The following PLEKHA6 variants were observed in gnomAD, a reference collection of about 807,000 sequenced individuals.
PLEKHA6 encodes the protein pleckstrin homology domain containing A6, also known as pleckstrin homology domain-containing family A member 6.
In PLEKHA6, 60 loss-of-function variants were observed where a neutral mutation model predicts 116.7. The observed-to-expected ratio is 0.51, with a 90% CI of 0.42 to 0.64. The LOEUF (loss-of-function observed/expected upper bound fraction) is 0.64, where lower values mean the gene tolerates loss of function less well. PLEKHA6 is among the 30% of genes least tolerant of loss of function. The pLI is 0.00. For missense variants in PLEKHA6, 1,338 were observed against 1,422.7 expected, an observed-to-expected ratio of 0.94 and a Z score of 0.96; for synonymous variants, 489 against 556.1, an observed-to-expected ratio of 0.88 and a Z score of 1.70.
At chr1:204,250,040 C>T (rs1432505018) in intron 10 of PLEKHA6, among the ~76,000 whole-genome samples, 1 of 152,216 alleles carries the variant, frequency 6.6e-6, no homozygotes, top group African/African-American at 2.4e-5. Flanking sequence ...CTGGCAGAAC[C>T]TATTATGGCT....
Position 204,261,589 on chromosome 1 carries a change from G to T in PLEKHA6, c.382-141C>A. ...TGCACCTGGGGCTCTTCCCCATGCGGAGCTCAGGAGCAAGGTGAAGAGGGC... is the reference window on the plus strand; with the variant it reads ...TGCACCTGGGGCTCTTCCCCATGCGTAGCTCAGGAGCAAGGTGAAGAGGGC... On this transcript the variant is annotated intron_variant, in intron 6 of 22. Transcript: ENST00000272203. The surrounding 1 kb of genome is among the most constrained non-coding windows in gnomAD (Gnocchi z 4.0). 1 of 915,762 alleles carries T rather than the reference G, an allele frequency of 1.1e-6. No homozygotes were observed. The allele number at this position is 915,762 out of a possible 1,614,324, so 56.7% of individuals were successfully genotyped here. A position where few individuals can be genotyped will look rare whatever the true frequency, so the allele number is the denominator to read the frequency against.
intron 1 of PLEKHA6, among the ~76,000 whole-genome samples, chr1:204,342,202 G>T (rs1321723742): frequency 2.0e-5 from 3 of 151,678 alleles, no homozygotes; most frequent in Admixed American, 6.6e-5. Context: ...AAAAGAAAAT[G>T]AGTATTTTAT....
chr1:204,303,797 T>A (rs1338139427), intron 1 of PLEKHA6, among the ~76,000 whole-genome samples: 1 of 152,216 alleles, frequency 6.6e-6, no homozygotes, highest in Non-Finnish European at 1.5e-5. Flanking sequence ...AACTGCAACC[T>A]CTGCCTCCTT....
intron 1 of PLEKHA6, chr1:204,347,149 C>A: frequency 8.9e-7 from 1 of 1,122,270 alleles, no homozygotes; most frequent in Non-Finnish European, 1.3e-6. Context: ...TACAATATCA[C>A]CTTTCTTATA....
chr1:204,343,265 C>A (rs1672910316), intron 1 of PLEKHA6, among the ~76,000 whole-genome samples: 1 of 152,196 alleles, frequency 6.6e-6, no homozygotes, highest in African/African-American at 2.4e-5. Context: ...CAATTCCAGA[C>A]AATTTATTTC....
At position 204,261,955 on chromosome 1, in the gene PLEKHA6, A is replaced by G. The variant is rs1272472561; in HGVS notation, c.382-507T>C. 1 of 168,778 alleles carries G rather than the reference A, an allele frequency of 5.9e-6. No homozygotes were observed. Among genetic ancestry groups the G allele is most frequent in the African/African-American group, 2.4e-5 (1 of 42,194 alleles). 10.5% of individuals were successfully genotyped at this position (168,778 alleles called of 1,614,324 possible). ...AGGCACTGGCATACAGATGGGGCAC[A>G]CTACCTAGTTGGTGGCTGCGAGCAG... On this transcript the variant is annotated intron_variant, in intron 6 of 22. Coordinates refer to ENST00000272203, the MANE Select transcript of PLEKHA6 (RefSeq NM_014935.5). This position sits in a 1 kb window ranked among gnomAD's most constrained non-coding sequence, Gnocchi z 4.0.
intron 21 of PLEKHA6, among the ~76,000 whole-genome samples, chr1:204,227,171 C>A (rs541808598): frequency 6.6e-6 from 1 of 152,338 alleles, no homozygotes; most frequent in Non-Finnish European, 1.5e-5. Context: ...GCCTGGGCTA[C>A]TGGAATGGTG....
At chr1:204,353,795 C>T (rs1407441330) in intron 1 of PLEKHA6, among the ~76,000 whole-genome samples, 1 of 152,164 alleles carries the variant, frequency 6.6e-6, no homozygotes, top group Non-Finnish European at 1.5e-5. Flanking sequence ...ACTTGTCATT[C>T]AAACAGGTCT....
intron 1 of PLEKHA6, among the ~76,000 whole-genome samples, chr1:204,275,345 C>T (rs12145347): frequency 0.18 from 27,029 of 152,172 alleles, 2,524 homozygotes; most frequent in East Asian, 0.28. Flanking sequence ...GGCTTGGACC[C>T]ACCCACACCC....
rs533910132 is a variant in PLEKHA6 at position 204,244,987 on chromosome 1, T to G, written c.2049A>C (p.Ser683=). 4.9e-6 allele frequency: 7 copies of G among 1,441,296 alleles called. No homozygotes were observed. The African/African-American group carries it at 1.0e-4, about 21-fold the overall frequency. 89.3% of individuals were successfully genotyped at this position (1,441,296 alleles called of 1,614,324 possible). A position where few individuals can be genotyped will look rare whatever the true frequency, so the allele number is the denominator to read the frequency against. Residue 683 remains serine, a synonymous_variant, in exon 15 of 23, where the codon TCA becomes TCC. Coordinates refer to ENST00000272203, the MANE Select transcript of PLEKHA6 (RefSeq NM_014935.5). ...TAKHRGGLGP[S]ATYSSNSPAS... is the part of the protein sequence containing the mutation. ...CCGGGCTGTTGGAGCTGTAGGTGGC[T>G]GAGGGGCCAAGTCCTCCTTGGGGGA...
intron 13 of PLEKHA6, among the ~76,000 whole-genome samples, chr1:204,245,990 C>T (rs1467461566): frequency 2.0e-5 from 3 of 152,192 alleles, no homozygotes; most frequent in Non-Finnish European, 2.9e-5. Context: ...CGCACCCTTC[C>T]GAGCTCCCTC....
At chr1:204,239,829 T>A (rs1662552078) in intron 17 of PLEKHA6, among the ~76,000 whole-genome samples, 1 of 152,160 alleles carries the variant, frequency 6.6e-6, no homozygotes, top group Admixed American at 6.5e-5. Flanking sequence ...TAGCCAGGAT[T>A]TACGGGTCCA....
In PLEKHA6 at chr1:204,228,239, A is replaced by G. The variant is rs757748282; in HGVS notation, c.2886-11T>C. 6.3e-7 allele frequency: 1 copy of G among 1,582,698 alleles called. No homozygotes were observed. The highest frequency in any genetic ancestry group is 8.6e-7 in the Non-Finnish European group (1 of 1,160,014). On this transcript the variant is annotated splice_polypyrimidine_tract_variant and intron_variant, in intron 20 of 22. Transcript: ENST00000272203. This position sits in a 1 kb window ranked among gnomAD's most constrained non-coding sequence, Gnocchi z 4.0. ...ACCACGTTCTGCATACTGAAGAGGC[A>G]CAGACACACAGAAATGGAGGGAGGG...
At position 204,333,176 on chromosome 1, in the gene PLEKHA6, C is replaced by T. The variant is rs118034516; in HGVS notation, c.-95+26518G>A. 1.6e-4 allele frequency among the ~76,000 whole-genome samples: 24 copies of T among 152,298 alleles called. No individual in the cohort carries two copies. In the East Asian group the frequency reaches 4.1e-3, roughly 26 times the overall value. Reference sequence around the variant, plus strand: ...GGGAAATGAAAACTGGCTGAGTGAACAGAGTGAGGAAGAAGGGGAAGGAAG... The same window carrying T: ...GGGAAATGAAAACTGGCTGAGTGAATAGAGTGAGGAAGAAGGGGAAGGAAG... On this transcript the variant is annotated intron_variant, in intron 1 of 22. Coordinates refer to ENST00000272203, the MANE Select transcript of PLEKHA6 (RefSeq NM_014935.5).
At chr1:204,280,447 C>T in intron 1 of PLEKHA6, 3 of 985,344 alleles carry the variant, frequency 3.0e-6, no homozygotes, top group Non-Finnish European at 3.6e-6. Context: ...CCCACTGGGC[C>T]TCTCTTGATT....
At chr1:204,240,323 T>A (rs1571818626) in intron 17 of PLEKHA6, among the ~76,000 whole-genome samples, 1 of 152,228 alleles carries the variant, frequency 6.6e-6, no homozygotes, top group Admixed American at 6.5e-5. Context: ...CACCATGACC[T>A]GCTGAGGTGC....
At chr1:204,374,270 C>T (rs1673827583) in intron 1 of PLEKHA6, among the ~76,000 whole-genome samples, 1 of 152,184 alleles carries the variant, frequency 6.6e-6, no homozygotes. Context: ...CAAATCCAGT[C>T]TCCCAGCTTA....
At chr1:204,332,594 C>T (rs2103276285) in intron 1 of PLEKHA6, among the ~76,000 whole-genome samples, 1 of 152,302 alleles carries the variant, frequency 6.6e-6, no homozygotes, top group South Asian at 2.1e-4. Flanking sequence ...GTTGGCCAGG[C>T]TGGTCTTGAA....
chr1:204,371,445 A>G (rs539091254), intron 2 of PLEKHA6: 2 of 152,424 alleles, frequency 1.3e-5, no homozygotes, highest in African/African-American at 4.8e-5. Context: ...AGTCAGAAGC[A>G]AAGTTGGGGC....
Sources: allele counts gnomAD v4.1 joint callset (sites outside exome capture counted in the v4.1 genomes callset), GRCh38; gene constraint gnomAD v4.1.1; non-coding constraint Gnocchi (gnomAD v3.1); transcripts MANE v1.5; gene names NCBI Gene and HGNC (gene_info 2026-07-23, HGNC 2026-07-21).